Variants in AMMECR1 observed in about 807,000 individuals in gnomAD.
AMMECR1 encodes the protein AMMECR nuclear protein 1.
In AMMECR1, 3 loss-of-function variants were observed where a neutral mutation model predicts 22.5. The ratio of observed to expected loss-of-function variants is 0.13; its 90% CI spans 0.06 to 0.35. The LOEUF (loss-of-function observed/expected upper bound fraction) is 0.35, where lower values mean the gene tolerates loss of function less well. AMMECR1 is among the 10% of genes least tolerant of loss of function. AMMECR1 has a pLI of 1.00. For missense variants in AMMECR1, 235 were observed against 278.7 expected, an observed-to-expected ratio of 0.84 and a Z score of 1.12; for synonymous variants, 130 against 116.7, an observed-to-expected ratio of 1.11 and a Z score of -0.74.
At chrX:110,333,818 G>A (rs2148235465) in intron 2 of AMMECR1, among the ~76,000 whole-genome samples, 1 of 107,639 alleles carries the variant, frequency 9.3e-6, no homozygotes, top group African/African-American at 3.4e-5. Flanking sequence ...ACACACCAGG[G>A]CCTGTCAGGG....
At chrX:110,373,043 G>A (rs1414314297) in intron 2 of AMMECR1, among the ~76,000 whole-genome samples, 1 of 111,879 alleles carries the variant, frequency 8.9e-6, no homozygotes, top group Non-Finnish European at 1.9e-5. Context: ...TGTTCTACAT[G>A]ATTTACATGT....
intron 3 of AMMECR1, among the ~76,000 whole-genome samples, chrX:110,204,093 G>C (rs2067410311): frequency 9.0e-6 from 1 of 111,302 alleles, no homozygotes; most frequent in Admixed American, 9.6e-5. Flanking sequence ...GCATTTCCAG[G>C]ATAAAGGACA....
intron 1 of AMMECR1, among the ~76,000 whole-genome samples, chrX:110,314,656 C>A (rs2068039834): frequency 8.9e-6 from 1 of 112,020 alleles, no homozygotes; most frequent in African/African-American, 3.3e-5. Context: ...GCTATCTGGG[C>A]TCCCTACATA....
Position 110,409,187 on chromosome X carries a change from G to T in AMMECR1, c.-148+17471C>A, listed in dbSNP as rs183538674. ...GTATATAAAACTGGCAGGAGATGGG[G>T]ACTTTTTTTTTTGAGACGGGGACTT... is the stretch of plus-strand genomic sequence containing the variant. On this transcript the variant is annotated intron_variant, in intron 2 of 7. Coordinates refer to the AMMECR1 transcript ENST00000372057. Among the ~76,000 whole-genome samples the T allele has an allele frequency of 2.8e-4, 31 of 110,958 alleles. No individual in the cohort carries two copies. The East Asian group carries it at 7.9e-3, about 28-fold the overall frequency.
chrX:110,357,448 A>T (rs1380645461), intron 2 of AMMECR1, among the ~76,000 whole-genome samples: 1 of 112,465 alleles, frequency 8.9e-6, no homozygotes, highest in Non-Finnish European at 1.9e-5. Flanking sequence ...CACACTCATT[A>T]GTGATCATGG....
At chrX:110,287,859 G>A (rs1195341924) in intron 1 of AMMECR1, among the ~76,000 whole-genome samples, 2 of 112,062 alleles carry the variant, frequency 1.8e-5, no homozygotes, top group African/African-American at 6.5e-5. Flanking sequence ...CCAAACTGCA[G>A]TTGATGGGGT....
At chrX:110,404,706 G>A (rs757742918) in intron 2 of AMMECR1, among the ~76,000 whole-genome samples, 1 of 111,328 alleles carries the variant, frequency 9.0e-6, no homozygotes, top group East Asian at 2.8e-4. Context: ...GTTGCTAAAG[G>A]CCATTTCTGA....
chrX:110,287,468 T>C (rs2067886325), intron 1 of AMMECR1, among the ~76,000 whole-genome samples: 1 of 112,072 alleles, frequency 8.9e-6, no homozygotes. Flanking sequence ...TTGTTCCAAT[T>C]TCTATCTGCA....
At chrX:110,364,038 A>C (rs958558233) in intron 2 of AMMECR1, among the ~76,000 whole-genome samples, 7 of 111,468 alleles carry the variant, frequency 6.3e-5, no homozygotes, top group Admixed American at 3.8e-4. Context: ...TTATACTTTC[A>C]CAGTTCTGGA....
intron 1 of AMMECR1, among the ~76,000 whole-genome samples, chrX:110,438,311 A>T (rs989507263): frequency 4.5e-5 from 5 of 111,822 alleles, no homozygotes; most frequent in African/African-American, 1.6e-4. Context: ...TTGGGAGCGG[A>T]TGGAGAGATT....
chrX:110,287,814 C>T (rs959081856), intron 1 of AMMECR1, among the ~76,000 whole-genome samples: 20 of 111,852 alleles, frequency 1.8e-4, no homozygotes, highest in African/African-American at 6.5e-4. Context: ...AGACAGTGTA[C>T]AAGGCCATCC....
intron 2 of AMMECR1, among the ~76,000 whole-genome samples, chrX:110,349,462 A>G (rs1288133498): frequency 9.0e-6 from 1 of 111,567 alleles, no homozygotes; most frequent in Non-Finnish European, 1.9e-5. Flanking sequence ...AAATACTACC[A>G]CATTGGAGAT....
chrX:110,219,807 G>T (rs2067491824), intron 2 of AMMECR1, among the ~76,000 whole-genome samples: 1 of 112,011 alleles, frequency 8.9e-6, no homozygotes, highest in African/African-American at 3.2e-5. Context: ...CAAGACTTTT[G>T]ATTCTTGCAT....
intron 2 of AMMECR1, among the ~76,000 whole-genome samples, chrX:110,231,283 G>A (rs1465686126): frequency 2.7e-5 from 3 of 112,096 alleles, no homozygotes; most frequent in Non-Finnish European, 5.6e-5. Context: ...CAGAGAGAAA[G>A]GTCCAGTTAC....
At chrX:110,259,715 C>T (rs761682573) in intron 2 of AMMECR1, among the ~76,000 whole-genome samples, 14 of 108,575 alleles carry the variant, frequency 1.3e-4, no homozygotes, top group Non-Finnish European at 2.5e-4. Context: ...CCTCAGCCTC[C>T]CGAGTAGCTG....
At chrX:110,273,117 A>G (rs762709984) in intron 1 of AMMECR1, among the ~76,000 whole-genome samples, 39 of 112,354 alleles carry the variant, frequency 3.5e-4, no homozygotes, top group Non-Finnish European at 6.8e-4. Context: ...GAACTAATTT[A>G]CATACCCTCC....
chrX:110,342,148 G>T (rs1475758313), intron 2 of AMMECR1, among the ~76,000 whole-genome samples: 1 of 110,978 alleles, frequency 9.0e-6, no homozygotes, highest in African/African-American at 3.3e-5. Flanking sequence ...TGCTATAATT[G>T]TTCTATTGTT....
At chrX:110,306,166 C>A (rs1569402697) in intron 1 of AMMECR1, among the ~76,000 whole-genome samples, 1 of 107,114 alleles carries the variant, frequency 9.3e-6, no homozygotes. Flanking sequence ...TGGCGGGCAC[C>A]TGTGGTCCCA....
At chrX:110,431,217 G>C (rs1431139219) in intron 1 of AMMECR1, among the ~76,000 whole-genome samples, 1 of 111,728 alleles carries the variant, frequency 9.0e-6, no homozygotes, top group Non-Finnish European at 1.9e-5. Flanking sequence ...AATATCTCCA[G>C]TTTTCACCAA....
Sources: allele counts gnomAD v4.1 joint callset (sites outside exome capture counted in the v4.1 genomes callset), GRCh38; gene constraint gnomAD v4.1.1; transcripts MANE v1.5; gene names NCBI Gene and HGNC (gene_info 2026-07-23, HGNC 2026-07-21).